The following GRIA4 variants were observed in gnomAD, a reference collection of about 807,000 sequenced individuals.
GRIA4 encodes glutamate ionotropic receptor AMPA type subunit 4.
Under a neutral mutation model 104.0 loss-of-function variants are expected in GRIA4, and 34 were observed. The observed-to-expected ratio is 0.33, with a 90% CI of 0.25 to 0.44. GRIA4 has a LOEUF of 0.44. Ranked by LOEUF, GRIA4 falls within the 20% of genes least tolerant of loss-of-function variation. The pLI is 1.00. For missense variants in GRIA4, 750 were observed against 1,096.5 expected (o/e 0.68, Z 4.46); for synonymous variants, 386 against 381.9 (o/e 1.01, Z -0.13).
chr11:105,806,819 A>T (rs1049270227), intron 4 of GRIA4, among the ~76,000 whole-genome samples: 2 of 151,820 alleles, frequency 1.3e-5, no homozygotes, highest in Non-Finnish European at 2.9e-5. Flanking sequence ...AGAACAGGAG[A>T]CCATAAAAGG....
At chr11:105,938,614 T>C (rs1948110406) in intron 14 of GRIA4, among the ~76,000 whole-genome samples, 1 of 152,176 alleles carries the variant, frequency 6.6e-6, no homozygotes, top group African/African-American at 2.4e-5. Flanking sequence ...TTATTTTTTG[T>C]AATCCCATTA....
At chr11:105,853,230 T>G (rs1485622254) in intron 4 of GRIA4, among the ~76,000 whole-genome samples, 2 of 152,202 alleles carry the variant, frequency 1.3e-5, no homozygotes, top group African/African-American at 4.8e-5. Context: ...AAAATATTTC[T>G]GTTTTTATCA....
chr11:105,781,352 G>A (rs982967453), intron 4 of GRIA4, among the ~76,000 whole-genome samples: 3 of 152,210 alleles, frequency 2.0e-5, no homozygotes, highest in African/African-American at 4.8e-5. Flanking sequence ...GACTCCAACA[G>A]AAGCATCTTA....
chr11:105,819,578 T>C (rs1477676614), intron 4 of GRIA4, among the ~76,000 whole-genome samples: 1 of 152,114 alleles, frequency 6.6e-6, no homozygotes, highest in Non-Finnish European at 1.5e-5. Context: ...AGTTCAAATA[T>C]AACATTTGTG....
At chr11:105,714,412 T>C (rs1954020657) in intron 3 of GRIA4, among the ~76,000 whole-genome samples, 1 of 152,126 alleles carries the variant, frequency 6.6e-6, no homozygotes, top group South Asian at 2.1e-4. Flanking sequence ...TTTGGTTGAA[T>C]GCTTCCCTAC....
chr11:105,686,509 A>G (rs1952888084), intron 3 of GRIA4, among the ~76,000 whole-genome samples: 1 of 152,172 alleles, frequency 6.6e-6, no homozygotes, highest in Non-Finnish European at 1.5e-5. Context: ...TGTCTTTGCT[A>G]TTGTGAATAG....
At chr11:105,958,674 G>A (rs1326446261) in intron 14 of GRIA4, among the ~76,000 whole-genome samples, 3 of 152,048 alleles carry the variant, frequency 2.0e-5, no homozygotes, top group Non-Finnish European at 2.9e-5. Context: ...GATTGTAATT[G>A]TTTCAGAAGG....
intron 9 of GRIA4, among the ~76,000 whole-genome samples, chr11:105,906,825 A>G (rs1016987248): frequency 2.0e-5 from 3 of 152,178 alleles, no homozygotes; most frequent in Non-Finnish European, 4.4e-5. Context: ...GCCAGCAACA[A>G]AAAAGAGGCA....
At chr11:105,797,669 T>C (rs530185837) in intron 4 of GRIA4, 14 of 322,684 alleles carry the variant, frequency 4.3e-5, no homozygotes, top group South Asian at 3.1e-4. Flanking sequence ...TTAATCGTGC[T>C]ACCTTTTCTG....
At position 105,685,733 on chromosome 11, in the gene GRIA4, TG is replaced by T. The variant is rs5794421; in HGVS notation, c.248-67246del. On this transcript the variant is annotated intron_variant, in intron 3 of 16. Coordinates refer to ENST00000282499, the MANE Select transcript of GRIA4 (RefSeq NM_000829.4). ...GAAAGCACTGACAAATATATGAAGA[TG>T]GAAAAATGCAGGGTATATTAGCAGG... Among the ~76,000 whole-genome samples the T allele has an allele frequency of 5.3e-5, 8 of 152,138 alleles. No homozygotes were observed. The South Asian group carries it at 1.7e-3, about 32-fold the overall frequency.
intron 5 of GRIA4, among the ~76,000 whole-genome samples, chr11:105,878,169 C>G (rs1019536593): frequency 6.6e-6 from 1 of 152,194 alleles, no homozygotes; most frequent in African/African-American, 2.4e-5. Context: ...ACAGTCAGGA[C>G]CCTTTTCTGC....
intron 3 of GRIA4, among the ~76,000 whole-genome samples, chr11:105,678,683 A>G (rs1392479002): frequency 1.3e-5 from 2 of 152,104 alleles, no homozygotes; most frequent in Non-Finnish European, 2.9e-5. Context: ...AAAGCTTCTC[A>G]TTGAAATTGC....
At chr11:105,758,540 A>G (rs901219154) in intron 4 of GRIA4, among the ~76,000 whole-genome samples, 3 of 152,192 alleles carry the variant, frequency 2.0e-5, no homozygotes, top group Non-Finnish European at 4.4e-5. Context: ...ATCTGAAGAT[A>G]TAGAGGAAAA....
At chr11:105,926,613 C>CT (rs2136198492) in intron 12 of GRIA4, 128 bp from the exon 13 acceptor site, 1 of 651,044 alleles carries the variant, frequency 1.5e-6, no homozygotes, top group East Asian at 2.7e-5. Context: ...CTTGAGCAGA[C>CT]TCTCAGAAAA....
In GRIA4 at chr11:105,701,251, C is replaced by T. The variant is rs151132961; in HGVS notation, c.248-51730C>T. Among the ~76,000 whole-genome samples the T allele has an allele frequency of 1.7e-4, 26 of 152,302 alleles. No homozygotes were observed. The East Asian group carries it at 2.7e-3, about 16-fold the overall frequency. On this transcript the variant is annotated intron_variant, in intron 3 of 16. Coordinates refer to ENST00000282499, the MANE Select transcript of GRIA4 (RefSeq NM_000829.4). ...CTTTGCTTTTTTAACCGCTAGCTTACAAATATATCTTCTGTGCTTAACACA... is the reference window on the plus strand; with the variant it reads ...CTTTGCTTTTTTAACCGCTAGCTTATAAATATATCTTCTGTGCTTAACACA...
At chr11:105,877,824 G>T (rs1591385046) in intron 5 of GRIA4, among the ~76,000 whole-genome samples, 1 of 152,068 alleles carries the variant, frequency 6.6e-6, no homozygotes, top group South Asian at 2.1e-4. Flanking sequence ...TTTTTTCAAG[G>T]TTCTTAGCTT....
chr11:105,962,401 A>G (rs568425372), intron 14 of GRIA4, among the ~76,000 whole-genome samples: 1 of 152,332 alleles, frequency 6.6e-6, no homozygotes, highest in East Asian at 1.9e-4. Context: ...GTTAGTTCCC[A>G]TAATAAAGCT....
intron 3 of GRIA4, among the ~76,000 whole-genome samples, chr11:105,683,938 C>T (rs928299186): frequency 7.4e-4 from 112 of 152,030 alleles, no homozygotes; most frequent in African/African-American, 2.5e-3. Flanking sequence ...GCAATGGCGC[C>T]ATCTCGGCTC....
intron 4 of GRIA4, among the ~76,000 whole-genome samples, chr11:105,753,462 G>A (rs1311902973): frequency 6.6e-6 from 1 of 152,044 alleles, no homozygotes; most frequent in African/African-American, 2.4e-5. Context: ...ATAACTATGT[G>A]AATAAGAAAA....
Sources: gnomAD v4.1 joint callset for allele counts (sites outside exome capture counted in the v4.1 genomes callset) on GRCh38, gnomAD v4.1.1 for gene constraint, MANE v1.5 for transcripts, NCBI Gene and HGNC (gene_info 2026-07-23, HGNC 2026-07-21) for gene names.